The following STT3B variants were observed in gnomAD, a reference collection of about 807,000 sequenced individuals.
STT3B encodes STT3 oligosaccharyltransferase complex catalytic subunit B, also known as dolichyl-diphosphooligosaccharide--protein glycosyltransferase subunit STT3B.
Under a neutral mutation model 96.8 loss-of-function variants are expected in STT3B, and 29 were observed. That is an observed-to-expected ratio of 0.30 (90% CI 0.22 to 0.41). The LOEUF is 0.41. Ranked by LOEUF, STT3B falls within the 10% of genes least tolerant of loss-of-function variation. The probability of loss-of-function intolerance (pLI) is 1.00; values close to 1 mark genes in which losing one functional copy is unlikely to be tolerated. For synonymous variants in STT3B, 367 were observed against 360.0 expected (o/e 1.02, Z -0.22); for missense variants, 640 against 1,022.3 (o/e 0.63, Z 5.10).
intron 5 of STT3B, among the ~76,000 whole-genome samples, chr3:31,603,622 G>C (rs1698982546): frequency 6.6e-6 from 1 of 152,034 alleles, no homozygotes; most frequent in East Asian, 1.9e-4. Context: ...GATGTGAAGT[G>C]ATTTAAGCTT....
chr3:31,559,531 A>G (rs1204431000), intron 1 of STT3B, among the ~76,000 whole-genome samples: 3 of 151,612 alleles, frequency 2.0e-5, no homozygotes, highest in Non-Finnish European at 4.4e-5. Context: ...CTTGTTATTG[A>G]TTTCTCATTT....
intron 1 of STT3B, among the ~76,000 whole-genome samples, chr3:31,547,830 GTA>G (rs1025338542): frequency 2.0e-5 from 3 of 152,202 alleles, no homozygotes; most frequent in Admixed American, 1.3e-4. Flanking sequence ...CTGTGTAAAA[GTA>G]TAGTTTCTGA....
intron 1 of STT3B, among the ~76,000 whole-genome samples, chr3:31,558,324 T>G (rs1341827365): frequency 6.6e-6 from 1 of 152,232 alleles, no homozygotes; most frequent in African/African-American, 2.4e-5. Context: ...TTGTCATATA[T>G]GGCGTTTATT....
intron 13 of STT3B, among the ~76,000 whole-genome samples, chr3:31,628,296 A>G (rs1699578816): frequency 6.6e-6 from 1 of 152,156 alleles, no homozygotes; most frequent in South Asian, 2.1e-4. Context: ...AGCAAGTTAT[A>G]TACCCTGTTC....
chr3:31,551,644 G>A (rs1575409701), intron 1 of STT3B, among the ~76,000 whole-genome samples: 2 of 152,210 alleles, frequency 1.3e-5, no homozygotes, highest in South Asian at 2.1e-4. Context: ...GTAGTCGTAT[G>A]TGTAACAACA....
chr3:31,583,495 T>A (rs1698461897), intron 3 of STT3B, among the ~76,000 whole-genome samples: 1 of 152,072 alleles, frequency 6.6e-6, no homozygotes, highest in East Asian at 1.9e-4. Flanking sequence ...TTGTTTTGTT[T>A]TGAATTTTAT....
chr3:31,533,063 G>A lies in STT3B; in HGVS notation c.65G>A (p.Gly22Asp). ...KSSLNSSPWS[G>D]LMALGNSRHG... ...TCCCTCAACTCGTCCCCGTGGAGTG[G>A]CCTCATGGCCCTGGGAAACAGCCGG... The change falls in exon 1 of 16, where the codon GGC (glycine) becomes GAC (aspartate). Residue 22 changes from glycine to aspartate, a missense_variant. By Grantham distance (94) the Gly-to-Asp change is moderately conservative. Transcript: ENST00000295770. 1 of 1,568,424 alleles carries A rather than the reference G, an allele frequency of 6.4e-7. No individual in the cohort carries two copies. Among genetic ancestry groups the A allele is most frequent in the South Asian group, 1.1e-5 (1 of 87,566 alleles).
At chr3:31,631,185 C>G (rs1207664636) in intron 14 of STT3B, among the ~76,000 whole-genome samples, 1 of 152,066 alleles carries the variant, frequency 6.6e-6, no homozygotes, top group Non-Finnish European at 1.5e-5. Context: ...ATACTGTGTT[C>G]CTGTTTGTTG....
In STT3B at chr3:31,533,109, G is replaced by T; in HGVS notation, c.111G>T (p.Gly37=). The change falls in exon 1 of 16, where the codon GGG becomes GGT. Residue 37 remains glycine (G), a synonymous_variant. Transcript: ENST00000295770. ...GNSRHGHHGP[G]AQCAHKAAGG... ...GCCGGCACGGCCACCACGGGCCCGG[G>T]GCCCAGTGCGCGCACAAGGCGGCGG... 1 of 1,403,544 alleles carries T rather than the reference G, an allele frequency of 7.1e-7. No homozygotes were observed. The highest frequency in any genetic ancestry group is 1.5e-5 in the African/African-American group (1 of 66,678). The allele number at this position is 1,403,544 out of a possible 1,614,324, so 86.9% of individuals were successfully genotyped here.
At chr3:31,609,421 T>C (rs1699134763) in intron 5 of STT3B, among the ~76,000 whole-genome samples, 1 of 152,190 alleles carries the variant, frequency 6.6e-6, no homozygotes, top group Admixed American at 6.5e-5. Flanking sequence ...ACACATACAG[T>C]ACCTTTGTAA....
intron 3 of STT3B, among the ~76,000 whole-genome samples, chr3:31,587,830 A>G (rs1272435646): frequency 6.6e-6 from 1 of 152,086 alleles, no homozygotes; most frequent in Non-Finnish European, 1.5e-5. Flanking sequence ...TAGCTCAGAT[A>G]TTTTCTAATT....
chr3:31,588,004 T>G (rs1698581577), intron 3 of STT3B, among the ~76,000 whole-genome samples: 1 of 152,206 alleles, frequency 6.6e-6, no homozygotes, highest in Non-Finnish European at 1.5e-5. Context: ...GCCTTGTGAC[T>G]TTAGCTCTCT....
At chr3:31,593,774 T>A (rs1698723475) in intron 3 of STT3B, among the ~76,000 whole-genome samples, 1 of 152,170 alleles carries the variant, frequency 6.6e-6, no homozygotes, top group Non-Finnish European at 1.5e-5. Context: ...ATGGAAATTT[T>A]GTGTTATATC....
At chr3:31,535,347 T>G (rs1011049095) in intron 1 of STT3B, among the ~76,000 whole-genome samples, 1 of 151,676 alleles carries the variant, frequency 6.6e-6, no homozygotes, top group Non-Finnish European at 1.5e-5. Context: ...TTTTTTTTTT[T>G]TTAGTGTAGC....
chr3:31,632,669 GTTT>G (rs58688269), intron 14 of STT3B, among the ~76,000 whole-genome samples: 1,795 of 144,496 alleles, frequency 0.012, 12 homozygotes, highest in Non-Finnish European at 0.019. Flanking sequence ...GTTTTGGTGG[GTTT>G]TTTTTTTTTT....
chr3:31,624,776 TCA>T, intron 11 of STT3B, 136 bp from the exon 12 acceptor site: 2 of 571,564 alleles, frequency 3.5e-6, no homozygotes, highest in East Asian at 2.9e-5. Context: ...TTTTTTTTTC[TCA>T]TTGGTAGAGG....
In STT3B at chr3:31,626,101, G is replaced by C; in HGVS notation, c.2047G>C (p.Glu683Gln). 1 of 1,613,540 alleles carries C rather than the reference G, an allele frequency of 6.2e-7. No individual in the cohort carries two copies. The highest frequency in any genetic ancestry group is 8.5e-7 in the Non-Finnish European group (1 of 1,179,786). ...ATTTCTCTGGATGGTTAGGATAGCTGAAGGAGAACATCCCAAAGACATTCG... is the reference window on the plus strand; with the variant it reads ...ATTTCTCTGGATGGTTAGGATAGCTCAAGGAGAACATCCCAAAGACATTCG... ...NKFLWMVRIA[E>Q]GEHPKDIRES... Residue 683 changes from glutamate (E) to glutamine (Q), a missense_variant, in exon 13 of 16, where the codon GAA (glutamate) becomes CAA (glutamine). Physicochemically the swap from Glu to Gln is conservative, Grantham distance 29. This residue lies in a region of STT3B where 40 missense variants were observed against 122.2 expected (regional missense o/e 0.33). Coordinates refer to ENST00000295770, the MANE Select transcript of STT3B (RefSeq NM_178862.3).
intron 9 of STT3B, chr3:31,620,158 C>T (rs1248003700): frequency 1.0e-5 from 3 of 294,668 alleles, no homozygotes; most frequent in African/African-American, 4.5e-5. Flanking sequence ...GCCTGTAATC[C>T]CAGCTACTCA....
chr3:31,563,968 T>A (rs1049308140), intron 1 of STT3B, among the ~76,000 whole-genome samples: 5 of 152,064 alleles, frequency 3.3e-5, no homozygotes, highest in Non-Finnish European at 7.4e-5. Context: ...CGTTTCTGTA[T>A]ACAATACTAA....
Sources: allele counts gnomAD v4.1 joint callset (sites outside exome capture counted in the v4.1 genomes callset), GRCh38; gene constraint gnomAD v4.1.1; regional missense constraint gnomAD v4.1.1; transcripts MANE v1.5; gene names NCBI Gene and HGNC (gene_info 2026-07-23, HGNC 2026-07-21).